FBN3: variants seen among roughly 807,000 people sequenced by gnomAD.
FBN3 encodes fibrillin 3, also known as fibrillin-3.
Under a neutral mutation model 330.1 loss-of-function variants are expected in FBN3, and 234 were observed. That is an observed-to-expected ratio of 0.71 (90% CI 0.64 to 0.79). The LOEUF is 0.79. Ranked by LOEUF, FBN3 falls within the 30% of genes least tolerant of loss-of-function variation. The pLI, the probability that FBN3 is intolerant of heterozygous loss-of-function variation, is 0.00. For missense variants in FBN3, 3,606 were observed against 3,886.9 expected, an observed-to-expected ratio of 0.93 and a Z score of 1.92; for synonymous variants, 1,458 against 1,517.3, an observed-to-expected ratio of 0.96 and a Z score of 0.91.
chr19:8,142,217 C>T lies in FBN3; in HGVS notation c.542-80G>A, dbSNP rs961895043. 56 of 1,145,346 alleles carry T rather than the reference C, an allele frequency of 4.9e-5. No homozygotes were observed. In the Middle Eastern group the frequency reaches 7.8e-4, roughly 16 times the overall value. The allele number at this position is 1,145,346 out of a possible 1,614,324, so 70.9% of individuals were successfully genotyped here. ...CTCTGCGTCTCTAACACCTTCTCAGCGGCCCCTGCACCCACAGACCAGGCT... is the reference window on the plus strand; with the variant it reads ...CTCTGCGTCTCTAACACCTTCTCAGTGGCCCCTGCACCCACAGACCAGGCT... On this transcript the variant is annotated intron_variant, in intron 6 of 63. Transcript: ENST00000600128.
chr19:8,066,311 G>C, intron 63 of FBN3, 51 bp from the exon 64 acceptor site: 1 of 1,340,170 alleles, frequency 7.5e-7, no homozygotes, highest in South Asian at 1.5e-5. Context: ...ATCGGGATGT[G>C]GTGTGGGTAG....
Position 8,069,459 on chromosome 19 carries a change from G to C in FBN3, c.8088+2589C>G, listed in dbSNP as rs565662001. On this transcript the variant is annotated intron_variant, in intron 63 of 63. Transcript: ENST00000600128. ...CGGAGTGTTTTGCTGTTGCATTCAA[G>C]TGAAAGTTATTCCTGTTCCCCAGCC... Among the ~76,000 whole-genome samples, 22 of 149,768 alleles carry C rather than the reference G, an allele frequency of 1.5e-4. No homozygotes were observed. The South Asian group carries it at 4.9e-3, about 33-fold the overall frequency.
intron 57 of FBN3, among the ~76,000 whole-genome samples, chr19:8,082,503 C>A (rs200573163): frequency 0.49 from 72,221 of 147,158 alleles, 18,023 homozygotes; most frequent in Admixed American, 0.54. Flanking sequence ...TTCTTTCTCT[C>A]TTTCTTTCTT....
At chr19:8,133,280 G>A (rs1387359569) in intron 13 of FBN3, among the ~76,000 whole-genome samples, 174 bp from the exon 14 acceptor site, 4 of 152,222 alleles carry the variant, frequency 2.6e-5, no homozygotes, top group Admixed American at 1.3e-4. Context: ...CCGCTGGGAC[G>A]TTGAGTTCCC....
At chr19:8,141,038 CA>C (rs1164650020) in intron 8 of FBN3, among the ~76,000 whole-genome samples, 1 of 151,254 alleles carries the variant, frequency 6.6e-6, no homozygotes, top group East Asian at 1.9e-4. Flanking sequence ...TAAAAAAATA[CA>C]AAAAAATTAT....
rs1555750608 is a variant in FBN3, at chr19:8,130,659, G to GGAAAGGAAAAGAAAA, written c.2044+575_2044+576insTTTTCTTTTCCTTTC. Among the ~76,000 whole-genome samples, 10 of 37,254 alleles carry GGAAAGGAAAAGAAAA rather than the reference G, an allele frequency of 2.7e-4. 1 individual carries two copies. Among genetic ancestry groups the GGAAAGGAAAAGAAAA allele is most frequent in the South Asian group, 1.3e-3 (1 of 782 alleles). The allele number at this position is 37,254 out of a possible 152,430, so 24.4% of individuals were successfully genotyped here. ...AAGAAAGAAAGGAAAGGAAAGGAAA[G>GGAAAGGAAAAGAAAA]GAAAAGAAAAGAAAAGAAAAGAAAA... On this transcript the variant is annotated intron_variant, in intron 16 of 63. Transcript: ENST00000600128.
At position 8,096,035 on chromosome 19, in the gene FBN3, T is replaced by C; in HGVS notation, c.5585A>G (p.Lys1862Arg). 1 of 1,614,108 alleles carries C rather than the reference T, an allele frequency of 6.2e-7. No individual in the cohort carries two copies. The highest frequency in any genetic ancestry group is 8.5e-7 in the Non-Finnish European group (1 of 1,179,980). ...GCAGTTGTAGGAGCCAATGATGTTC[T>C]TGCAGGTCCCATTTCCACAAGGCTG... ...DRQPCGNGTC[K>R]NIIGSYNCLC... is the part of the protein sequence containing the mutation. Residue 1862 changes from lysine to arginine, a missense_variant, in exon 45 of 64, where the codon AAG (lysine) becomes AGG (arginine). By Grantham distance (26) the Lys-to-Arg change is conservative (BLOSUM62 2). Coordinates refer to ENST00000600128, the MANE Select transcript of FBN3 (RefSeq NM_032447.5). The surrounding 1 kb of genome is among the most constrained non-coding windows in gnomAD (Gnocchi z 4.6).
Position 8,075,428 on chromosome 19 carries a change from T to C in FBN3, c.7454-17A>G, listed in dbSNP as rs142379709. The C allele has an allele frequency of 1.7e-4, 267 of 1,604,146 alleles. 2 individuals carry two copies. The East Asian group carries it at 5.8e-3, about 35-fold the overall frequency. Reference sequence around the variant, plus strand: ...CATCATTGTCTGCAGAGGAGAGAGATCAGGCAGGGTTGCCTGCTGGTTAAG... The same window carrying C: ...CATCATTGTCTGCAGAGGAGAGAGACCAGGCAGGGTTGCCTGCTGGTTAAG... On this transcript the variant is annotated splice_polypyrimidine_tract_variant and intron_variant, in intron 59 of 63. Transcript: ENST00000600128.
At chr19:8,084,654 T>C (rs961640549) in intron 56 of FBN3, among the ~76,000 whole-genome samples, 36 of 152,090 alleles carry the variant, frequency 2.4e-4, no homozygotes, top group Non-Finnish European at 7.4e-5. Flanking sequence ...TGGCGTGATC[T>C]CGTCTCACTG....
At chr19:8,145,963 T>C in intron 4 of FBN3, 25 bp from the exon 5 acceptor site, 5 of 1,544,130 alleles carry the variant, frequency 3.2e-6, no homozygotes, top group African/African-American at 1.4e-5. Flanking sequence ...GCAGGACGCA[T>C]AGTAATGTGG....
Position 8,087,919 on chromosome 19 carries a change from C to A in FBN3, c.6525G>T (p.Leu2175=). ...EDIDECSLNP[L]LCAFRCHNTE... ...TATTGTGGCAGCGGAAGGCACAGAG[C>A]AGCGGGTTCAGGGAGCATTCGTCGA... The change falls in exon 53 of 64, where the codon CTG becomes CTT. Residue 2175 remains leucine (L), a synonymous_variant. Transcript: ENST00000600128. 6.2e-7 allele frequency: 1 copy of A among 1,614,126 alleles called. No individual in the cohort carries two copies. Among genetic ancestry groups the A allele is most frequent in the Non-Finnish European group, 8.5e-7 (1 of 1,180,014 alleles).
At position 8,079,644 on chromosome 19, in the gene FBN3, G is replaced by A. The variant is rs138409155; in HGVS notation, c.7453+1359C>T. Among the ~76,000 whole-genome samples, 517 of 152,206 alleles carry A rather than the reference G, an allele frequency of 3.4e-3. 5 individuals carry two copies. Among genetic ancestry groups the A allele is most frequent in the East Asian group, 0.014 (70 of 5,182 alleles). On this transcript the variant is annotated intron_variant, in intron 59 of 63. Coordinates refer to ENST00000600128, the MANE Select transcript of FBN3 (RefSeq NM_032447.5). ...AGACAGAGTCTTGCTGTGTCTGAGT[G>A]CACTGGCACGATCTCGGCTCACTGC...
chr19:8,080,744 G>A (rs141306449), intron 59 of FBN3, among the ~76,000 whole-genome samples: 468 of 150,534 alleles, frequency 3.1e-3, no homozygotes, highest in African/African-American at 0.011. Context: ...TCAGCTTCTC[G>A]GAGTTGCTGG....
At chr19:8,094,273 G>C (rs1336774242) in intron 47 of FBN3, among the ~76,000 whole-genome samples, 173 bp downstream of exon 47, 1 of 152,232 alleles carries the variant, frequency 6.6e-6, no homozygotes, top group Non-Finnish European at 1.5e-5. Context: ...AAAGTCCTGA[G>C]TGCAGAGTCC....
rs150979548 is a variant in FBN3 at position 8,081,020 on chromosome 19, T to C, written c.7436A>G (p.His2479Arg). The change falls in exon 59 of 64, where the codon CAC becomes CGC. Residue 2479 changes from histidine to arginine, a missense_variant. Transcript: ENST00000600128. ...TCACTCACCGAAGCAGGCCTGGTGG[T>C]GCTGGGTGAAGCCGGGCGGACAGCG... is the stretch of plus-strand genomic sequence containing the variant. ...TCRCPPGFTQ[H>R]HQACFDNDEC... 631 of 1,612,434 alleles carry C rather than the reference T, an allele frequency of 3.9e-4. 2 individuals are homozygous for C. In the African/African-American group the frequency reaches 7.7e-3, roughly 20 times the overall value.
intron 4 of FBN3, 41 bp from the exon 5 acceptor site, chr19:8,145,979 G>C (rs1307001125): frequency 6.5e-7 from 1 of 1,527,712 alleles, no homozygotes; most frequent in Middle Eastern, 1.7e-4. Flanking sequence ...TGTGGAGATG[G>C]GCCCCGAGAT....
In FBN3 at chr19:8,096,884, C is replaced by T; in HGVS notation, c.5410G>A (p.Val1804Met). Residue 1804 changes from valine (V) to methionine (M), a missense_variant, in exon 43 of 64, where the codon GTG becomes ATG. Transcript: ENST00000600128. The surrounding 1 kb of genome is among the most constrained non-coding windows in gnomAD (Gnocchi z 4.6). ...GYKLSPGGAC[V>M]GRNECREIPN... ...TCCTCCCAGGGACCCTGCTCACCCACACAAGCCCCGCCTGGCGACAGTTTG... is the reference window on the plus strand; with the variant it reads ...TCCTCCCAGGGACCCTGCTCACCCATACAAGCCCCGCCTGGCGACAGTTTG... 1 of 1,613,070 alleles carries T rather than the reference C, an allele frequency of 6.2e-7. No homozygotes were observed. The highest frequency in any genetic ancestry group is 1.3e-5 in the African/African-American group (1 of 75,064).
chr19:8,093,436 A>G (rs545432778), intron 47 of FBN3, among the ~76,000 whole-genome samples: 7 of 152,236 alleles, frequency 4.6e-5, no homozygotes, highest in African/African-American at 1.4e-4. Flanking sequence ...ATCCTGGCTA[A>G]CATGGTGAAA....
At position 8,129,936 on chromosome 19, in the gene FBN3, C is replaced by T. The variant is rs1352971164; in HGVS notation, c.2045-571G>A. On this transcript the variant is annotated intron_variant, in intron 16 of 63. Transcript: ENST00000600128. This position sits in a 1 kb window ranked among gnomAD's most constrained non-coding sequence, Gnocchi z 4.5. ...TTTTTGAGATAGGGTCTCACTCTGT[C>T]GCACAGGCTGGAGTGCAGTGGTGCG... Among the ~76,000 whole-genome samples, 3 of 151,586 alleles carry T rather than the reference C, an allele frequency of 2.0e-5. No individual in the cohort carries two copies. The highest frequency in any genetic ancestry group is 3.9e-4 in the East Asian group (2 of 5,072).
Sources: allele counts gnomAD v4.1 joint callset (sites outside exome capture counted in the v4.1 genomes callset), GRCh38; gene constraint gnomAD v4.1.1; non-coding constraint Gnocchi (gnomAD v3.1); transcripts MANE v1.5; gene names NCBI Gene and HGNC (gene_info 2026-07-23, HGNC 2026-07-21).